GRAMD1A: variants seen among roughly 807,000 people sequenced by gnomAD.
GRAMD1A encodes the protein protein Aster-A.
GRAMD1A carries 50 observed loss-of-function variants against 92.0 expected under a neutral mutation model. That is an observed-to-expected ratio of 0.54 (90% CI 0.43 to 0.69). GRAMD1A has a LOEUF of 0.69. Ranked by LOEUF, GRAMD1A falls within the 30% of genes least tolerant of loss-of-function variation. GRAMD1A has a pLI of 0.00. For synonymous variants in GRAMD1A, 405 were observed against 403.6 expected (o/e 1.00, Z -0.04); for missense variants, 819 against 978.9 (o/e 0.84, Z 2.18).
At chr19:35,011,335 G>T (rs2015221856) in intron 6 of GRAMD1A, 139 bp from the exon 7 acceptor site, 3 of 762,178 alleles carry the variant, frequency 3.9e-6, no homozygotes, top group Non-Finnish European at 7.1e-6. Context: ...GACGTTTTGT[G>T]GAACTAATGC....
chr19:35,008,515 C>A (rs148854218), intron 1 of GRAMD1A, among the ~76,000 whole-genome samples: 40 of 151,732 alleles, frequency 2.6e-4, no homozygotes, highest in African/African-American at 8.0e-4. Context: ...CTTAGGAAGA[C>A]CCCGTCTCAA....
chr19:35,020,034 G>A (rs2015937325), intron 13 of GRAMD1A, among the ~76,000 whole-genome samples: 1 of 152,210 alleles, frequency 6.6e-6, no homozygotes. Flanking sequence ...CAAAGGCCCT[G>A]AGGCAGGGGT....
At chr19:34,997,317 G>C (rs562834839), upstream of GRAMD1A, among the ~76,000 whole-genome samples, 2 of 143,832 alleles carry the variant, frequency 1.4e-5, no homozygotes, top group African/African-American at 5.2e-5. Flanking sequence ...GTGGCATTAT[G>C]TGTATTTCTA....
At chr19:35,016,656 T>G in intron 11 of GRAMD1A, among the ~76,000 whole-genome samples, 2 of 150,120 alleles carry the variant, frequency 1.3e-5, no homozygotes, top group East Asian at 2.0e-4. Context: ...ATCCCAGCGC[T>G]TTGGGAGGCC....
rs373185819 is a variant in GRAMD1A at position 35,019,514 on chromosome 19, C to T, written c.1456C>T (p.Arg486Trp). ...AHRYCILGLA[R>W]NKARLRVSSE... ...CCGCTACTGCATCCTGGGTCTGGCC[C>T]GGAACAAGGCGCGGCTCCGGTGAGT... is the stretch of plus-strand genomic sequence containing the variant. Residue 486 changes from arginine to tryptophan, a missense_variant, in exon 13 of 20, where the codon CGG becomes TGG. Arg to Trp is a moderately radical substitution (Grantham distance 101, BLOSUM62 -3). This residue lies in a region of GRAMD1A where 577 missense variants were observed against 674.6 expected (regional missense o/e 0.86). Transcript: ENST00000317991. The T allele has an allele frequency of 2.0e-5, 32 of 1,613,870 alleles. No individual in the cohort carries two copies. Among genetic ancestry groups the T allele is most frequent in the African/African-American group, 1.7e-4 (13 of 74,928 alleles).
rs368282539 is a variant in GRAMD1A, at chr19:35,019,248, C to T, written c.1271C>T (p.Thr424Met). The part of the protein sequence containing the change: ...DSKCHQRRVL[T>M]YTIPISNPLG... Reference sequence around the variant, plus strand: ...AAGTGCCACCAGCGCCGGGTGCTGACGTACACCATCCCCATCAGCAACCCA... The same window carrying T: ...AAGTGCCACCAGCGCCGGGTGCTGATGTACACCATCCCCATCAGCAACCCA... Residue 424 changes from threonine (T) to methionine (M), a missense_variant, in exon 12 of 20, where the codon ACG becomes ATG. By Grantham distance (81) the Thr-to-Met change is moderately conservative. Coordinates refer to ENST00000317991, the MANE Select transcript of GRAMD1A (RefSeq NM_020895.5). The T allele has an allele frequency of 3.1e-5, 50 of 1,613,542 alleles. No homozygotes were observed. The highest frequency in any genetic ancestry group is 5.5e-5 in the South Asian group (5 of 91,054).
At chr19:35,004,122 G>C (rs1206830746) in intron 1 of GRAMD1A, among the ~76,000 whole-genome samples, 1 of 152,156 alleles carries the variant, frequency 6.6e-6, no homozygotes, top group Non-Finnish European at 1.5e-5. Flanking sequence ...CCAGCTATCA[G>C]GGAAGCTAAG....
intron 10 of GRAMD1A, 139 bp from the exon 11 acceptor site, chr19:35,015,685 T>C: frequency 1.4e-6 from 1 of 729,664 alleles, no homozygotes. Context: ...ACAGGAGGGC[T>C]CTGTGTCAGT....
chr19:34,998,256 T>G (rs2014121329), upstream of GRAMD1A: 1 of 151,084 alleles, frequency 6.6e-6, no homozygotes, highest in African/African-American at 2.4e-5. Context: ...ACATCTATTC[T>G]ATATAGGTAC....
Position 35,021,444 on chromosome 19 carries a change from G to A in GRAMD1A, c.1476-58G>A, listed in dbSNP as rs954780470. On this transcript the variant is annotated intron_variant, in intron 13 of 19. Transcript: ENST00000317991. The surrounding 1 kb of genome is among the most constrained non-coding windows in gnomAD (Gnocchi z 5.3). ...AAGGAAAAAACTCAGCTTGTGGGAC[G>A]GGGCAGCCAGGGCTGGAGTCAGACC... The A allele has an allele frequency of 1.0e-5, 13 of 1,276,098 alleles. No individual in the cohort carries two copies. Among genetic ancestry groups the A allele is most frequent in the Admixed American group, 1.7e-5 (1 of 59,282 alleles). 79.0% of individuals were successfully genotyped at this position (1,276,098 alleles called of 1,614,324 possible). A position where few individuals can be genotyped will look rare whatever the true frequency, so the allele number is the denominator to read the frequency against.
chr19:35,009,783 G>A (rs1292894884), intron 3 of GRAMD1A, 105 bp from the exon 4 acceptor site: 2 of 776,260 alleles, frequency 2.6e-6, no homozygotes, highest in Non-Finnish European at 4.7e-6. Flanking sequence ...GTGTGCGTTG[G>A]AATCTGTCAG....
chr19:35,011,269 C>T (rs1293931047), intron 6 of GRAMD1A, among the ~76,000 whole-genome samples: 3 of 152,252 alleles, frequency 2.0e-5, no homozygotes, highest in East Asian at 1.9e-4. Flanking sequence ...GGCCAGGGGT[C>T]GTCTCCCCAT....
chr19:35,018,933 T>A (rs972958439), intron 11 of GRAMD1A, among the ~76,000 whole-genome samples: 5 of 151,372 alleles, frequency 3.3e-5, no homozygotes, highest in African/African-American at 1.2e-4. Flanking sequence ...GGGGAAGGTG[T>A]TCAAAAGATT....
At position 35,009,303 on chromosome 19, in the gene GRAMD1A, A is replaced by G. The variant is rs952292412; in HGVS notation, c.193A>G (p.Ser65Gly). ...PGTPSTQSLG[S>G]RNFIRNSKKM... Reference sequence around the variant, plus strand: ...GACCCCCAGCACCCAGAGCCTAGGCAGCCGGAACTTCATCCGCAACAGCAA... The same window carrying G: ...GACCCCCAGCACCCAGAGCCTAGGCGGCCGGAACTTCATCCGCAACAGCAA... The change falls in exon 2 of 20, where the codon AGC becomes GGC. Residue 65 changes from serine to glycine, a missense_variant. Transcript: ENST00000317991. 1 of 1,613,944 alleles carries G rather than the reference A, an allele frequency of 6.2e-7. No individual in the cohort carries two copies. The highest frequency in any genetic ancestry group is 1.7e-5 in the Admixed American group (1 of 59,996).
intron 11 of GRAMD1A, among the ~76,000 whole-genome samples, chr19:35,018,218 C>T (rs1177576556): frequency 3.9e-5 from 6 of 152,148 alleles, no homozygotes; most frequent in Admixed American, 2.0e-4. Flanking sequence ...AAACTCTTGA[C>T]CTCAGGTGAT....
rs1383064267 is a variant in GRAMD1A, at chr19:35,010,192, C to T, written c.426C>T (p.Thr142=). 1.2e-6 allele frequency: 2 copies of T among 1,609,790 alleles called. No homozygotes were observed. The highest frequency in any genetic ancestry group is 1.3e-5 in the African/African-American group (1 of 74,868). Residue 142 remains threonine (T), a synonymous_variant, in exon 5 of 20, where the codon ACC becomes ACT. Transcript: ENST00000317991. Reference sequence around the variant, plus strand: ...ACAGCAACATCTTCCGCTGGGAGACCACGGTGAGCCCGCAGCGGGGCAGGG... The same window carrying T: ...ACAGCAACATCTTCCGCTGGGAGACTACGGTGAGCCCGCAGCGGGGCAGGG... The part of the protein sequence containing the change: ...CFYSNIFRWE[T]TISIQLKEVT...
intron 11 of GRAMD1A, among the ~76,000 whole-genome samples, chr19:35,017,427 G>A (rs1011031997): frequency 6.6e-6 from 1 of 152,102 alleles, no homozygotes; most frequent in African/African-American, 2.4e-5. Flanking sequence ...CCTGACTGCA[G>A]GGGATACTGC....
intron 1 of GRAMD1A, among the ~76,000 whole-genome samples, chr19:35,004,516 G>A (rs562137634): frequency 1.3e-5 from 2 of 152,070 alleles, no homozygotes; most frequent in Non-Finnish European, 2.9e-5. Context: ...GTCTGAGGTC[G>A]CCATCCCTGC....
chr19:35,022,536 G>A (rs1161272641), intron 16 of GRAMD1A, among the ~76,000 whole-genome samples: 2 of 151,818 alleles, frequency 1.3e-5, no homozygotes, highest in Admixed American at 1.3e-4. Flanking sequence ...GCCCTGGGAG[G>A]CCAGCGGCGG....
Sources: gnomAD v4.1 joint callset for allele counts (sites outside exome capture counted in the v4.1 genomes callset) on GRCh38, gnomAD v4.1.1 for gene constraint, gnomAD v4.1.1 regional missense constraint, Gnocchi (gnomAD v3.1) non-coding constraint, MANE v1.5 for transcripts, NCBI Gene and HGNC (gene_info 2026-07-23, HGNC 2026-07-21) for gene names.